Variants in CLYBL observed in about 807,000 individuals in gnomAD.
CLYBL encodes the protein citramalyl-CoA lyase, mitochondrial.
CLYBL carries 31 observed loss-of-function variants against 38.9 expected under a neutral mutation model. The observed-to-expected ratio is 0.80, with a 90% CI of 0.60 to 1.08. The LOEUF (loss-of-function observed/expected upper bound fraction) is 1.08. Among genes scored for constraint, CLYBL ranks in the 50% least tolerant of loss-of-function variants. The pLI is 0.00. For missense variants in CLYBL, 434 were observed against 411.6 expected, an observed-to-expected ratio of 1.05 and a Z score of -0.47; for synonymous variants, 171 against 158.6, an observed-to-expected ratio of 1.08 and a Z score of -0.59.
intron 1 of CLYBL, among the ~76,000 whole-genome samples, chr13:99,684,035 ATT>A (rs778902077): frequency 2.5e-4 from 22 of 86,376 alleles, no homozygotes; most frequent in African/African-American, 3.1e-4. Flanking sequence ...TGCCTGGCTA[ATT>A]TTTTTTTTTT....
At chr13:99,734,599 T>C (rs1483215919) in intron 1 of CLYBL, among the ~76,000 whole-genome samples, 1 of 152,172 alleles carries the variant, frequency 6.6e-6, no homozygotes, top group Non-Finnish European at 1.5e-5. Context: ...GATTTGATAG[T>C]CGAGGCCTTC....
At chr13:99,818,654 A>G (rs1212198853) in intron 2 of CLYBL, among the ~76,000 whole-genome samples, 1 of 152,206 alleles carries the variant, frequency 6.6e-6, no homozygotes, top group South Asian at 2.1e-4. Context: ...TATAGCTGTG[A>G]TGTAGGATTT....
chr13:99,877,239 G>C (rs1022903866), intron 7 of CLYBL, among the ~76,000 whole-genome samples: 1 of 152,166 alleles, frequency 6.6e-6, no homozygotes, highest in Non-Finnish European at 1.5e-5. Flanking sequence ...ACACCCCATG[G>C]TGTTCAGTGC....
intron 1 of CLYBL, among the ~76,000 whole-genome samples, chr13:99,662,228 C>T (rs924688983): frequency 2.6e-5 from 4 of 152,194 alleles, no homozygotes; most frequent in Non-Finnish European, 5.9e-5. Context: ...AGATCCCTCT[C>T]AGCACAGATT....
chr13:99,751,242 A>G (rs1169567900), intron 1 of CLYBL, among the ~76,000 whole-genome samples: 1 of 150,960 alleles, frequency 6.6e-6, no homozygotes, highest in African/African-American at 2.4e-5. Context: ...TTTTTTTTAG[A>G]TGGAGTCTCA....
At chr13:99,856,702 A>G (rs975915190) in intron 2 of CLYBL, among the ~76,000 whole-genome samples, 19 of 152,066 alleles carry the variant, frequency 1.2e-4, no homozygotes, top group African/African-American at 4.6e-4. Flanking sequence ...GCAGAGGTAC[A>G]GTCTCGGCTC....
intron 7 of CLYBL, among the ~76,000 whole-genome samples, chr13:99,885,638 C>T (rs994869728): frequency 9.9e-5 from 15 of 152,164 alleles, no homozygotes; most frequent in East Asian, 7.7e-4. Context: ...GCTTTGGAGC[C>T]GGGAAGCCTC....
At chr13:99,835,515 C>T (rs138734072) in intron 2 of CLYBL, among the ~76,000 whole-genome samples, 2 of 152,248 alleles carry the variant, frequency 1.3e-5, no homozygotes, top group Non-Finnish European at 2.9e-5. Context: ...CTGTTCCATT[C>T]GCATGCTAGC....
At chr13:99,642,783 C>A (rs2047115360) in intron 1 of CLYBL, among the ~76,000 whole-genome samples, 1 of 147,854 alleles carries the variant, frequency 6.8e-6, no homozygotes, top group Non-Finnish European at 1.5e-5. Context: ...ATTTTCTTTC[C>A]TTTTTTTTCC....
intron 1 of CLYBL, among the ~76,000 whole-genome samples, chr13:99,639,525 A>G (rs2047065952): frequency 6.6e-6 from 1 of 152,222 alleles, no homozygotes; most frequent in African/African-American, 2.4e-5. Context: ...TATATGTAAC[A>G]GAAGACAAAA....
chr13:99,803,562 G>A lies in CLYBL; in HGVS notation c.249+30552G>A, dbSNP rs557849287. Among the ~76,000 whole-genome samples, 201 of 152,340 alleles carry A rather than the reference G, an allele frequency of 1.3e-3. 1 individual carries two copies. Among genetic ancestry groups the A allele is most frequent in the Non-Finnish European group, 2.4e-3 (163 of 68,040 alleles). The stretch of plus-strand genomic sequence containing the variant: ...TGGATTTGATTCTTCTTAGCAGTGT[G>A]AACTGACCTGACTTTCCTAATATGT... On this transcript the variant is annotated intron_variant, in intron 2 of 8. Coordinates refer to ENST00000339105, the MANE Select transcript of CLYBL (RefSeq NM_206808.5).
chr13:99,787,183 G>A (rs1303777507), intron 2 of CLYBL, among the ~76,000 whole-genome samples: 1 of 151,994 alleles, frequency 6.6e-6, no homozygotes. Context: ...AGTTTCTTTT[G>A]CTGTGCAGAA....
chr13:99,607,340 A>G (rs2046543437), intron 1 of CLYBL, among the ~76,000 whole-genome samples: 1 of 152,132 alleles, frequency 6.6e-6, no homozygotes, highest in Admixed American at 6.5e-5. Context: ...TGGTTTTTAT[A>G]TTTTTGAAAA....
chr13:99,811,796 G>C (rs1303079467), intron 2 of CLYBL, among the ~76,000 whole-genome samples: 1 of 152,136 alleles, frequency 6.6e-6, no homozygotes, highest in Non-Finnish European at 1.5e-5. Flanking sequence ...TTCCCTGGGG[G>C]CTATTCCATT....
chr13:99,695,552 C>G (rs1026652719), intron 1 of CLYBL, among the ~76,000 whole-genome samples: 2 of 152,038 alleles, frequency 1.3e-5, no homozygotes, highest in African/African-American at 4.8e-5. Flanking sequence ...CGGAGTCTCC[C>G]TCTGTCGCCC....
intron 1 of CLYBL, among the ~76,000 whole-genome samples, chr13:99,636,735 G>C (rs2047023007): frequency 6.6e-6 from 1 of 151,978 alleles, no homozygotes; most frequent in Non-Finnish European, 1.5e-5. Flanking sequence ...TCTTTTCTTG[G>C]GTAGGGTACA....
intron 2 of CLYBL, among the ~76,000 whole-genome samples, chr13:99,817,760 C>A (rs1170221349): frequency 6.6e-6 from 1 of 151,532 alleles, no homozygotes; most frequent in Non-Finnish European, 1.5e-5. Flanking sequence ...CCTAGCACTT[C>A]GGGAGGCCAA....
chr13:99,759,612 A>G (rs1389312048), intron 1 of CLYBL, among the ~76,000 whole-genome samples: 1 of 152,126 alleles, frequency 6.6e-6, no homozygotes. Flanking sequence ...CTAGGTAAGG[A>G]TACCAGACAC....
intron 1 of CLYBL, among the ~76,000 whole-genome samples, chr13:99,740,649 A>C (rs191093345): frequency 1.3e-5 from 2 of 152,362 alleles, no homozygotes; most frequent in Non-Finnish European, 2.9e-5. Flanking sequence ...CCACACGTAT[A>C]GATTCTGCAT....
Sources: allele counts gnomAD v4.1 joint callset (sites outside exome capture counted in the v4.1 genomes callset), GRCh38; gene constraint gnomAD v4.1.1; transcripts MANE v1.5; gene names NCBI Gene and HGNC (gene_info 2026-07-23, HGNC 2026-07-21).